HACL2: variants seen among roughly 807,000 people sequenced by gnomAD.
HACL2 encodes the protein 2-hydroxyacyl-CoA lyase 2, also known as 2-hydroxyacyl-CoA lyase 1 like.
the HACL2 span, chr19:15,123,390 T>C: frequency 1.2e-6 from 2 of 1,613,822 alleles, no homozygotes; most frequent in Non-Finnish European, 1.7e-6. This position sits in a 1 kb window ranked among gnomAD's most constrained non-coding sequence, Gnocchi z 5.1. Context: ...AGGCGGGCCA[T>C]AGCATCAGCA....
At chr19:15,116,153 A>G in the HACL2 span, 1 of 1,613,328 alleles carries the variant, frequency 6.2e-7, no homozygotes, top group East Asian at 2.2e-5. Context: ...CTTCCTTACC[A>G]GGATCGAGCC....
the HACL2 span, chr19:15,125,016 G>A: frequency 1.3e-6 from 2 of 1,584,068 alleles, no homozygotes; most frequent in Non-Finnish European, 8.6e-7. Flanking sequence ...CAGGAAGGAG[G>A]GGAATAAGCT....
chr19:15,117,945 A>T, the HACL2 span: 2 of 1,614,112 alleles, frequency 1.2e-6, no homozygotes, highest in Non-Finnish European at 1.7e-6. Context: ...CCCGATTACG[A>T]TTGACGATGA....
the HACL2 span, chr19:15,122,792 A>G: frequency 1.2e-6 from 2 of 1,614,114 alleles, no homozygotes; most frequent in Non-Finnish European, 1.7e-6. The surrounding 1 kb of genome is among the most constrained non-coding windows in gnomAD (Gnocchi z 4.0). Context: ...GGGCAGCTCC[A>G]CAAACACCGG....
At chr19:15,117,799 G>A in the HACL2 span, 1 of 1,557,200 alleles carries the variant, frequency 6.4e-7, no homozygotes, top group Middle Eastern at 1.7e-4. Context: ...CACTGTACCA[G>A]GCTCAAGCCA....
the HACL2 span, chr19:15,115,558 C>G: frequency 3.1e-6 from 5 of 1,609,298 alleles, no homozygotes; most frequent in Non-Finnish European, 4.2e-6. Context: ...TCGCTGAGGC[C>G]CCCTCACCAG....
At chr19:15,119,238 G>A in the HACL2 span, 148 of 1,609,306 alleles carry the variant, frequency 9.2e-5, no homozygotes, top group Non-Finnish European at 1.1e-4. Context: ...GGGTGGTTGC[G>A]GCCTAACAGC....
the HACL2 span, chr19:15,122,876 A>G: frequency 4.3e-6 from 7 of 1,611,766 alleles, no homozygotes; most frequent in Non-Finnish European, 5.9e-6. The surrounding 1 kb of genome is among the most constrained non-coding windows in gnomAD (Gnocchi z 4.0). Flanking sequence ...GCTCAGCATC[A>G]CCATCCTCCA....
At chr19:15,120,600 C>G in the HACL2 span, among the ~76,000 whole-genome samples, 2 of 152,230 alleles carry the variant, frequency 1.3e-5, no homozygotes, top group Non-Finnish European at 2.9e-5. Flanking sequence ...CCCCAACTTT[C>G]CTGAAGGACC....
the HACL2 span, chr19:15,117,783 C>T: frequency 6.9e-7 from 1 of 1,455,234 alleles, no homozygotes; most frequent in African/African-American, 1.4e-5. Flanking sequence ...AGGTCTGGGC[C>T]TCAATCACTG....
At chr19:15,118,074 T>C in the HACL2 span, 1 of 1,606,598 alleles carries the variant, frequency 6.2e-7, no homozygotes, top group Non-Finnish European at 8.5e-7. Context: ...CCTTACTTGA[T>C]CCACTGTGGT....
At chr19:15,123,341 A>T in the HACL2 span, 1 of 1,608,436 alleles carries the variant, frequency 6.2e-7, no homozygotes, top group Non-Finnish European at 8.5e-7. This position sits in a 1 kb window ranked among gnomAD's most constrained non-coding sequence, Gnocchi z 5.1. Context: ...CCCACAGTCC[A>T]ACCAGTCCCC....
the HACL2 span, chr19:15,115,830 C>CCT: frequency 6.2e-7 from 1 of 1,612,766 alleles, no homozygotes; most frequent in Admixed American, 1.7e-5. Flanking sequence ...CCTAAGCTTC[C>CCT]CTCAGGCCAG....
the HACL2 span, chr19:15,123,621 A>G: frequency 6.3e-7 from 1 of 1,586,110 alleles, no homozygotes; most frequent in Middle Eastern, 1.7e-4. This position sits in a 1 kb window ranked among gnomAD's most constrained non-coding sequence, Gnocchi z 5.1. Flanking sequence ...AGGCCAGGGC[A>G]GAGGGCAGCT....
the HACL2 span, chr19:15,123,765 T>C: frequency 1.7e-6 from 1 of 597,456 alleles, no homozygotes; most frequent in Non-Finnish European, 3.0e-6. This position sits in a 1 kb window ranked among gnomAD's most constrained non-coding sequence, Gnocchi z 5.1. Context: ...TCTTATCAGA[T>C]CCTCTTGTCA....
chr19:15,115,805 C>G, the HACL2 span: 2 of 1,594,858 alleles, frequency 1.3e-6, no homozygotes, highest in Admixed American at 1.7e-5. Context: ...GGTGACATCT[C>G]CCAGAACCCC....
the HACL2 span, chr19:15,116,044 G>A: frequency 5.6e-6 from 9 of 1,613,852 alleles, no homozygotes; most frequent in Non-Finnish European, 7.6e-6. Flanking sequence ...TGCAAATCCT[G>A]CACCAACTCC....
chr19:15,122,926 C>T, the HACL2 span: 47 of 1,607,424 alleles, frequency 2.9e-5, 1 homozygote, highest in South Asian at 3.8e-4. The surrounding 1 kb of genome is among the most constrained non-coding windows in gnomAD (Gnocchi z 4.0). Flanking sequence ...CCATCGCGGC[C>T]CTCAGGGTGG....
At chr19:15,121,627 G>T in the HACL2 span, among the ~76,000 whole-genome samples, 1 of 151,940 alleles carries the variant, frequency 6.6e-6, no homozygotes, top group Non-Finnish European at 1.5e-5. Flanking sequence ...TGGCCAACAT[G>T]ATGAAACCTC....
Sources: gnomAD v4.1 joint callset for allele counts (sites outside exome capture counted in the v4.1 genomes callset) on GRCh38, gnomAD v4.1.1 for gene constraint, Gnocchi (gnomAD v3.1) non-coding constraint, MANE v1.5 for transcripts, NCBI Gene and HGNC (gene_info 2026-07-23, HGNC 2026-07-21) for gene names.